Variants in NFATC2IP observed in about 807,000 individuals in gnomAD.
NFATC2IP encodes nuclear factor of activated T cells 2 interacting protein.
In NFATC2IP, 25 loss-of-function variants were observed where a neutral mutation model predicts 40.2. The ratio of observed to expected loss-of-function variants is 0.62; its 90% CI spans 0.45 to 0.87. NFATC2IP has a LOEUF of 0.87. NFATC2IP is among the 40% of genes least tolerant of loss of function. The pLI, the probability that NFATC2IP is intolerant of heterozygous loss-of-function variation, is 0.00. For missense variants in NFATC2IP, 553 were observed against 555.6 expected, an observed-to-expected ratio of 1.00 and a Z score of 0.05; for synonymous variants, 241 against 236.3, an observed-to-expected ratio of 1.02 and a Z score of -0.18.
chr16:28,955,977 G>A lies in NFATC2IP; in HGVS notation c.579-1G>A. The stretch of plus-strand genomic sequence containing the variant: ...CGTCCTGCTGTCTCTTGCTTCTACA[G>A]GGATCTGGACAACTCTCCTCTGTCC... On this transcript the variant is annotated splice_acceptor_variant, in intron 3 of 7. Transcript: ENST00000320805. LOFTEE classifies it high-confidence loss of function. 6.2e-7 allele frequency: 1 copy of A among 1,612,728 alleles called. No individual in the cohort carries two copies. Among genetic ancestry groups the A allele is most frequent in the Non-Finnish European group, 8.5e-7 (1 of 1,178,788 alleles).
At chr16:28,951,822 C>T (rs76562821) in intron 1 of NFATC2IP, among the ~76,000 whole-genome samples, 15,218 of 151,768 alleles carry the variant, frequency 0.1, 1,782 homozygotes, top group South Asian at 0.31. Context: ...TGGGGTCCCC[C>T]GATGGTCGTG....
At chr16:28,959,618 C>T (rs1285595149) in intron 7 of NFATC2IP, among the ~76,000 whole-genome samples, 1 of 148,380 alleles carries the variant, frequency 6.7e-6, no homozygotes, top group Non-Finnish European at 1.5e-5. Flanking sequence ...CCCTGTCGCC[C>T]AGGCTGAAGT....
intron 7 of NFATC2IP, among the ~76,000 whole-genome samples, chr16:28,960,000 G>A (rs749119943): frequency 6.6e-5 from 10 of 152,186 alleles, no homozygotes; most frequent in Non-Finnish European, 1.2e-4. Flanking sequence ...GCCTGGTTCC[G>A]TCTGAGAATC....
At chr16:28,958,634 C>T in intron 5 of NFATC2IP, 83 bp from the exon 6 acceptor site, 2 of 1,193,674 alleles carry the variant, frequency 1.7e-6, no homozygotes, top group African/African-American at 1.5e-5. Flanking sequence ...TAGCTAAGGC[C>T]AGAGCTTGTG....
chr16:28,954,148 A>G (rs1435843561), intron 2 of NFATC2IP, among the ~76,000 whole-genome samples: 1 of 152,000 alleles, frequency 6.6e-6, no homozygotes, highest in Non-Finnish European at 1.5e-5. Context: ...GATAACCAAT[A>G]TTGTCTCTAA....
At chr16:28,955,228 C>T (rs1965007818) in intron 3 of NFATC2IP, among the ~76,000 whole-genome samples, 1 of 152,038 alleles carries the variant, frequency 6.6e-6, no homozygotes, top group Admixed American at 6.6e-5. Context: ...AAAAAATACC[C>T]CCAAACCTGG....
rs1460638243 is a variant in NFATC2IP at position 28,966,730 on chromosome 16, G to T, written c.*2867G>T. On this transcript the variant is annotated 3_prime_UTR_variant, in exon 8 of 8. Coordinates refer to ENST00000320805, the MANE Select transcript of NFATC2IP (RefSeq NM_032815.4). ...GCCAAGATCGCGCCATTGCACTCCA[G>T]CCTGGGCGACAAGAGTGGAAACTCT... 1 of 148,522 alleles carries T rather than the reference G, an allele frequency of 6.7e-6. No homozygotes were observed. The highest frequency in any genetic ancestry group is 2.5e-5 in the African/African-American group (1 of 39,924). 9.2% of individuals were successfully genotyped at this position (148,522 alleles called of 1,614,324 possible). A position where few individuals can be genotyped will look rare whatever the true frequency, so the allele number is the denominator to read the frequency against.
At chr16:28,960,436 C>A (rs1224942815) in intron 7 of NFATC2IP, among the ~76,000 whole-genome samples, 1 of 152,140 alleles carries the variant, frequency 6.6e-6, no homozygotes, top group African/African-American at 2.4e-5. Context: ...AGCCCAAAAT[C>A]TCATTTAAAT....
Position 28,956,031 on chromosome 16 carries a change from C to T in NFATC2IP, c.632C>T (p.Thr211Met), listed in dbSNP as rs138977975. Residue 211 changes from threonine (T) to methionine (M), a missense_variant, in exon 4 of 8, where the codon ACG becomes ATG. Transcript: ENST00000320805. ...CCTTCACCAAGGACCAAAAGCAGAA[C>T]GCATACTCGGGCACTCAAGAAGTTA... ...SPPSPRTKSRTHTRALKKLSE... is the reference protein window; with the variant it reads ...SPPSPRTKSRMHTRALKKLSE... 127 of 1,614,116 alleles carry T rather than the reference C, an allele frequency of 7.9e-5. No individual in the cohort carries two copies. In the African/African-American group the frequency reaches 9.5e-4, roughly 12 times the overall value.
chr16:28,961,502 G>A (rs1965086650), intron 7 of NFATC2IP, among the ~76,000 whole-genome samples: 1 of 152,028 alleles, frequency 6.6e-6, no homozygotes, highest in African/African-American at 2.4e-5. Context: ...TCATTGTTCT[G>A]GAGGGTAGAA....
At chr16:28,956,935 C>T (rs890812899) in intron 5 of NFATC2IP, 1 of 152,246 alleles carries the variant, frequency 6.6e-6, no homozygotes, top group Non-Finnish European at 1.5e-5. Flanking sequence ...GTGCATCAGT[C>T]AAGCAACTAA....
At position 28,963,715 on chromosome 16, in the gene NFATC2IP, T is replaced by C; in HGVS notation, c.1112T>C (p.Leu371Pro). The change falls in exon 8 of 8, where the codon CTA becomes CCA. Residue 371 changes from leucine to proline, a missense_variant. By Grantham distance (98) the Leu-to-Pro change is moderately conservative. Transcript: ENST00000320805. ...TTTGTCTCCATCCAGGATTCCCCTC[T>C]AAAGACCCTCATGTCCCACTATGAG... ...LEVSLSRDSP[L>P]KTLMSHYEEA... The C allele has an allele frequency of 6.2e-7, 1 of 1,614,106 alleles. No individual in the cohort carries two copies. Among genetic ancestry groups the C allele is most frequent in the Non-Finnish European group, 8.5e-7 (1 of 1,179,954 alleles).
rs916672718 is a variant in NFATC2IP at position 28,951,254 on chromosome 16, G to C, written c.243G>C (p.Pro81=). 1.3e-6 allele frequency: 2 copies of C among 1,489,076 alleles called. No homozygotes were observed. Among genetic ancestry groups the C allele is most frequent in the Non-Finnish European group, 1.8e-6 (2 of 1,113,744 alleles). 92.2% of individuals were successfully genotyped at this position (1,489,076 alleles called of 1,614,324 possible). ...VEVEPPEPPG[P]VASRDNSNSD... ...TGGAGCCCCCGGAGCCCCCGGGGCC[G>C]GTCGCGTCCCGGGATAACAGCAACA... Residue 81 remains proline (P), a synonymous_variant, in exon 1 of 8, where the codon CCG becomes CCC. Coordinates refer to ENST00000320805, the MANE Select transcript of NFATC2IP (RefSeq NM_032815.4).
chr16:28,961,309 C>T (rs963666720), intron 7 of NFATC2IP, among the ~76,000 whole-genome samples: 1 of 109,378 alleles, frequency 9.1e-6, no homozygotes. Flanking sequence ...GCCTGGGAGA[C>T]AGCAAGACCC....
At chr16:28,956,652 C>G (rs950413931) in intron 5 of NFATC2IP, 24 of 277,262 alleles carry the variant, frequency 8.7e-5, no homozygotes, top group Non-Finnish European at 1.3e-4. Context: ...CTCCTGGGCT[C>G]AAGTGATCGT....
chr16:28,951,675 G>T (rs1964968986), intron 1 of NFATC2IP, among the ~76,000 whole-genome samples: 2 of 152,210 alleles, frequency 1.3e-5, no homozygotes, highest in African/African-American at 4.8e-5. Context: ...GGATTCCTGA[G>T]ATTTTGGAGA....
At chr16:28,952,318 G>A in intron 2 of NFATC2IP, 114 bp downstream of exon 2, 1 of 1,503,886 alleles carries the variant, frequency 6.6e-7, no homozygotes, top group South Asian at 1.2e-5. Flanking sequence ...AAGAGCGTGG[G>A]AGAGGGGACT....
At chr16:28,958,583 A>G in intron 5 of NFATC2IP, 134 bp from the exon 6 acceptor site, 1 of 746,984 alleles carries the variant, frequency 1.3e-6, no homozygotes, top group Non-Finnish European at 2.3e-6. Context: ...ATACCTTGCC[A>G]GGTAAATATG....
chr16:28,962,434 T>G (rs750995198), intron 7 of NFATC2IP, among the ~76,000 whole-genome samples: 1 of 152,158 alleles, frequency 6.6e-6, no homozygotes, highest in African/African-American at 2.4e-5. Context: ...CCTCTGGATT[T>G]TTATGGAAGC....
Sources: allele counts gnomAD v4.1 joint callset (sites outside exome capture counted in the v4.1 genomes callset), GRCh38; gene constraint gnomAD v4.1.1; transcripts MANE v1.5; gene names NCBI Gene and HGNC (gene_info 2026-07-23, HGNC 2026-07-21).